Variants in FKBP14 observed in about 807,000 individuals in gnomAD.
FKBP14 encodes the protein FKBP prolyl isomerase 14, also known as peptidyl-prolyl cis-trans isomerase FKBP14.
Under a neutral mutation model 21.6 loss-of-function variants are expected in FKBP14, and 20 were observed. The ratio of observed to expected loss-of-function variants is 0.92; its 90% CI spans 0.65 to 1.34. The LOEUF is 1.34. Among genes scored for constraint, FKBP14 ranks in the 40% most tolerant of loss-of-function variants. The pLI is 0.00. For synonymous variants in FKBP14, 79 were observed against 86.7 expected (o/e 0.91, Z 0.49); for missense variants, 253 against 249.0 (o/e 1.02, Z -0.11).
chr7:30,017,183 A>G (rs1789909759), intron 3 of FKBP14, among the ~76,000 whole-genome samples: 1 of 151,996 alleles, frequency 6.6e-6, no homozygotes, highest in South Asian at 2.1e-4. Context: ...CTACAAAAAA[A>G]AAAACAGAAA....
chr7:30,015,224 G>C (rs114036522), intron 3 of FKBP14, among the ~76,000 whole-genome samples: 1 of 151,792 alleles, frequency 6.6e-6, no homozygotes, highest in African/African-American at 2.4e-5. Context: ...GATCAGCCTG[G>C]CCGACATAAT....
chr7:30,014,681 G>T lies in FKBP14; in HGVS notation c.*54C>A. The stretch of plus-strand genomic sequence containing the variant: ...GTATAAAAATAAAATGTTCTTTAAA[G>T]ATGACTGCCCTCTCTTGAAAGATGA... On this transcript the variant is annotated 3_prime_UTR_variant, in exon 4 of 4. Coordinates refer to ENST00000222803, the MANE Select transcript of FKBP14 (RefSeq NM_017946.4). 1 of 1,142,136 alleles carries T rather than the reference G, an allele frequency of 8.8e-7. No homozygotes were observed. The allele number at this position is 1,142,136 out of a possible 1,614,324, so 70.8% of individuals were successfully genotyped here. A position where few individuals can be genotyped will look rare whatever the true frequency, so the allele number is the denominator to read the frequency against.
chr7:30,018,896 C>T, intron 3 of FKBP14, 100 bp downstream of exon 3: 3 of 1,192,596 alleles, frequency 2.5e-6, no homozygotes, highest in Non-Finnish European at 3.5e-6. Flanking sequence ...TTGAAATATA[C>T]ACATATTCAT....
At chr7:30,026,255 T>G (rs1382397952) in intron 1 of FKBP14, 57 bp downstream of exon 1, 10 of 1,477,018 alleles carry the variant, frequency 6.8e-6, no homozygotes, top group Non-Finnish European at 9.1e-6. Flanking sequence ...GCTGGAGAGC[T>G]GGCATAAGTG....
intron 1 of FKBP14, among the ~76,000 whole-genome samples, chr7:30,024,415 C>G (rs1790117090): frequency 6.6e-6 from 1 of 152,148 alleles, no homozygotes; most frequent in East Asian, 1.9e-4. Context: ...ATTTCTTTTT[C>G]TTCAGAGCGG....
chr7:30,019,357 T>C (rs1194870124), intron 2 of FKBP14, among the ~76,000 whole-genome samples: 1 of 152,102 alleles, frequency 6.6e-6, no homozygotes, highest in Non-Finnish European at 1.5e-5. Context: ...GCAATTAAAA[T>C]GTAAATACAC....
chr7:30,026,267 G>A (rs1790167742), intron 1 of FKBP14, 45 bp downstream of exon 1: 2 of 1,540,382 alleles, frequency 1.3e-6, no homozygotes, highest in Non-Finnish European at 1.8e-6. Context: ...GCATAAGTGA[G>A]TGGATTCTTA....
At chr7:30,016,191 G>A (rs75359452) in intron 3 of FKBP14, among the ~76,000 whole-genome samples, 2,913 of 152,252 alleles carry the variant, frequency 0.019, 41 homozygotes, top group East Asian at 0.04. Context: ...AGAAGCATGA[G>A]CCACTGCACC....
downstream of FKBP14, among the ~76,000 whole-genome samples, chr7:30,007,600 A>T (rs115840374): frequency 1.9e-3 from 292 of 152,320 alleles, no homozygotes; most frequent in African/African-American, 6.7e-3. Flanking sequence ...AGTTGCCCCA[A>T]TGCACAATGC....
intron 2 of FKBP14, among the ~76,000 whole-genome samples, chr7:30,019,773 T>C (rs1216590725): frequency 6.6e-6 from 1 of 152,086 alleles, no homozygotes; most frequent in Non-Finnish European, 1.5e-5. Context: ...ACTTGACAAA[T>C]AGTAAACTCT....
At chr7:30,008,676 T>TA (rs555628865), downstream of FKBP14, among the ~76,000 whole-genome samples, 20,225 of 115,126 alleles carry the variant, frequency 0.18, 1,515 homozygotes, top group Middle Eastern at 0.29. Context: ...AGCTGAGATT[T>TA]AAAAAAAAAA....
intron 3 of FKBP14, among the ~76,000 whole-genome samples, chr7:30,018,735 T>C (rs1006426983): frequency 6.6e-6 from 1 of 152,158 alleles, no homozygotes; most frequent in African/African-American, 2.4e-5. Flanking sequence ...ACCCTAAGCA[T>C]TGGGAAGAAA....
At chr7:30,006,632 C>T (rs150287206), downstream of FKBP14, among the ~76,000 whole-genome samples, 1 of 152,268 alleles carries the variant, frequency 6.6e-6, no homozygotes, top group Non-Finnish European at 1.5e-5. Flanking sequence ...GTCATACAGT[C>T]GTACAGCGTA....
At chr7:30,006,501 G>GA (rs942793866), downstream of FKBP14, among the ~76,000 whole-genome samples, 7 of 151,068 alleles carry the variant, frequency 4.6e-5, no homozygotes, top group Non-Finnish European at 1.0e-4. Context: ...AGATAATTCT[G>GA]AAAAAAATAT....
intron 2 of FKBP14, among the ~76,000 whole-genome samples, chr7:30,021,619 G>A (rs556531196): frequency 2.0e-5 from 3 of 151,496 alleles, no homozygotes; most frequent in East Asian, 3.9e-4. Flanking sequence ...ATAGTGGCAC[G>A]TTCTTGGCTC....
intron 2 of FKBP14, among the ~76,000 whole-genome samples, chr7:30,019,709 G>A: frequency 6.6e-6 from 1 of 152,056 alleles, no homozygotes; most frequent in Non-Finnish European, 1.5e-5. Context: ...TCCTCCTCAG[G>A]AGTCTGTTGG....
rs536393237 is a variant in FKBP14 at position 30,011,342 on chromosome 7, G to A, written c.*3393C>T. On this transcript the variant is annotated 3_prime_UTR_variant, in exon 4 of 4. Transcript: ENST00000222803. Reference sequence around the variant, plus strand: ...AGGCATAAGGCACCATGCCCAACCAGAAGAAAAACATTTTTTATAAATTTT... The same window carrying A: ...AGGCATAAGGCACCATGCCCAACCAAAAGAAAAACATTTTTTATAAATTTT... 2.6e-4 allele frequency: 40 copies of A among 151,558 alleles called. No homozygotes were observed. Among genetic ancestry groups the A allele is most frequent in the African/African-American group, 9.0e-4 (37 of 41,328 alleles). 9.4% of individuals were successfully genotyped at this position (151,558 alleles called of 1,614,324 possible).
intron 3 of FKBP14, among the ~76,000 whole-genome samples, chr7:30,016,844 T>TC (rs1789898106): frequency 1.3e-5 from 2 of 152,112 alleles, no homozygotes; most frequent in African/African-American, 4.8e-5. Context: ...AAATCCTCTC[T>TC]CCCCCAGCTT....
chr7:30,023,535 C>A (rs776292453), intron 1 of FKBP14, among the ~76,000 whole-genome samples: 1 of 152,216 alleles, frequency 6.6e-6, no homozygotes, highest in Non-Finnish European at 1.5e-5. Flanking sequence ...CAGGGGTCTA[C>A]AGTGGGGCTA....
Sources: allele counts gnomAD v4.1 joint callset (sites outside exome capture counted in the v4.1 genomes callset), GRCh38; gene constraint gnomAD v4.1.1; transcripts MANE v1.5; gene names NCBI Gene and HGNC (gene_info 2026-07-23, HGNC 2026-07-21).